The following SLC8A1 variants were observed in gnomAD, a reference collection of about 807,000 sequenced individuals.
SLC8A1 encodes the protein sodium/calcium exchanger 1.
A neutral mutation model predicts 68.3 loss-of-function variants in SLC8A1; 18 were observed. The observed-to-expected ratio is 0.26, with a 90% confidence interval of 0.18 to 0.39. The LOEUF (loss-of-function observed/expected upper bound fraction) is 0.39, where lower values mean the gene tolerates loss of function less well. Ranked by LOEUF, SLC8A1 falls within the 10% of genes least tolerant of loss-of-function variation. The pLI, the probability that SLC8A1 is intolerant of heterozygous loss-of-function variation, is 1.00. For synonymous variants in SLC8A1, 475 were observed against 415.5 expected (o/e 1.14, Z -1.74); for missense variants, 985 against 1,156.7 (o/e 0.85, Z 2.15).
intron 2 of SLC8A1, among the ~76,000 whole-genome samples, chr2:40,269,648 G>A (rs185390110): frequency 7.2e-5 from 11 of 152,126 alleles, no homozygotes; most frequent in Admixed American, 1.3e-4. Context: ...CCTTGGTCAC[G>A]TCTTGGAGGA....
At chr2:40,134,987 A>T (rs2040210529) in intron 7 of SLC8A1, among the ~76,000 whole-genome samples, 1 of 152,232 alleles carries the variant, frequency 6.6e-6, no homozygotes, top group South Asian at 2.1e-4. Flanking sequence ...CTCTTTAAAG[A>T]TATCATTTAA....
chr2:40,337,881 A>T (rs557602714), intron 2 of SLC8A1, among the ~76,000 whole-genome samples: 3 of 152,182 alleles, frequency 2.0e-5, no homozygotes, highest in Non-Finnish European at 2.9e-5. Flanking sequence ...ATTTAATAAT[A>T]CTAAATCATG....
At chr2:40,444,149 C>T (rs1051750307) in intron 1 of SLC8A1, among the ~76,000 whole-genome samples, 4 of 152,072 alleles carry the variant, frequency 2.6e-5, no homozygotes, top group Non-Finnish European at 4.4e-5. Flanking sequence ...GTCTGGGCAA[C>T]ATAGCAAGAC....
intron 2 of SLC8A1, among the ~76,000 whole-genome samples, chr2:40,216,128 G>T (rs574005357): frequency 6.6e-5 from 10 of 151,122 alleles, no homozygotes; most frequent in Admixed American, 4.6e-4. Flanking sequence ...TGCACCTGTT[G>T]ACCCATCCTC....
At chr2:40,276,414 G>T (rs1005913873) in intron 2 of SLC8A1, among the ~76,000 whole-genome samples, 1 of 152,184 alleles carries the variant, frequency 6.6e-6, no homozygotes, top group African/African-American at 2.4e-5. Flanking sequence ...CAACAAGCAA[G>T]CCCCAAAGGG....
intron 2 of SLC8A1, among the ~76,000 whole-genome samples, chr2:40,388,295 G>C (rs1332508964): frequency 6.6e-6 from 1 of 152,174 alleles, no homozygotes; most frequent in Non-Finnish European, 1.5e-5. Context: ...ATTAATGTGT[G>C]TGTGTCCCCG....
chr2:40,322,433 G>A (rs974191061), intron 2 of SLC8A1, among the ~76,000 whole-genome samples: 2 of 149,776 alleles, frequency 1.3e-5, no homozygotes, highest in African/African-American at 4.9e-5. Flanking sequence ...CATGGTAGGA[G>A]GATTGCTTGA....
At chr2:40,429,292 A>C in exon 2 of SLC8A1, 2 of 1,613,954 alleles carry the variant, frequency 1.2e-6, no homozygotes, top group Non-Finnish European at 1.7e-6. Context: ...AAGTTCCTTC[A>C]GAATCCTAGC....
At chr2:40,474,417 A>G (rs552870337) in intron 1 of SLC8A1, among the ~76,000 whole-genome samples, 1 of 152,328 alleles carries the variant, frequency 6.6e-6, no homozygotes, top group South Asian at 2.1e-4. Context: ...AAGAAACCTT[A>G]AATGGCCAGA....
chr2:40,108,432 G>A (rs544795138), exon 8 of SLC8A1: 47 of 152,104 alleles, frequency 3.1e-4, no homozygotes, highest in African/African-American at 1.1e-3. Context: ...AATATCTTAG[G>A]GCAATTTGTA....
At chr2:40,274,270 C>T (rs560781743) in intron 2 of SLC8A1, among the ~76,000 whole-genome samples, 1 of 150,112 alleles carries the variant, frequency 6.7e-6, no homozygotes, top group East Asian at 2.0e-4. Context: ...TTTGTAGCCC[C>T]ACATAAATGT....
chr2:40,321,324 G>A (rs541012081), intron 2 of SLC8A1, among the ~76,000 whole-genome samples: 2 of 152,044 alleles, frequency 1.3e-5, no homozygotes, highest in South Asian at 2.1e-4. Context: ...TTTATAACCA[G>A]TATAACCATG....
intron 2 of SLC8A1, among the ~76,000 whole-genome samples, chr2:40,281,690 A>G (rs2067549828): frequency 6.6e-6 from 1 of 152,200 alleles, no homozygotes; most frequent in Non-Finnish European, 1.5e-5. Flanking sequence ...GGAGCTGGGA[A>G]TGTCTGGAAA....
chr2:40,371,142 C>T (rs1287892845), intron 2 of SLC8A1, among the ~76,000 whole-genome samples: 2 of 151,904 alleles, frequency 1.3e-5, no homozygotes, highest in African/African-American at 4.8e-5. Flanking sequence ...ATTGGTGGTC[C>T]CTGGCCCAGC....
chr2:40,348,206 A>G (rs965263372), intron 2 of SLC8A1, among the ~76,000 whole-genome samples: 1 of 152,166 alleles, frequency 6.6e-6, no homozygotes, highest in African/African-American at 2.4e-5. Flanking sequence ...TCTGAGTTCA[A>G]ACTGCAGTTC....
chr2:40,244,264 TGAA>T (rs1338619272), intron 2 of SLC8A1, among the ~76,000 whole-genome samples: 1 of 152,106 alleles, frequency 6.6e-6, no homozygotes, highest in Non-Finnish European at 1.5e-5. Context: ...TCAGTGCACA[TGAA>T]GAGACCCACA....
intron 2 of SLC8A1, among the ~76,000 whole-genome samples, chr2:40,411,554 T>C (rs988018853): frequency 6.6e-6 from 1 of 152,046 alleles, no homozygotes; most frequent in African/African-American, 2.4e-5. Context: ...AAATGTTTAC[T>C]ATGATATTAT....
intron 2 of SLC8A1, among the ~76,000 whole-genome samples, chr2:40,377,315 C>A (rs1163957543): frequency 4.6e-5 from 7 of 151,978 alleles, no homozygotes; most frequent in Non-Finnish European, 1.0e-4. Context: ...GAAGAGGACC[C>A]CAAGCATCAC....
intron 2 of SLC8A1, among the ~76,000 whole-genome samples, chr2:40,373,579 C>G (rs920759162): frequency 1.3e-5 from 2 of 151,922 alleles, no homozygotes; most frequent in African/African-American, 4.8e-5. Flanking sequence ...CTTACATAAC[C>G]CTATTTAGCC....
Sources: gnomAD v4.1 joint callset for allele counts (sites outside exome capture counted in the v4.1 genomes callset) on GRCh38, gnomAD v4.1.1 for gene constraint, MANE v1.5 for transcripts, NCBI Gene and HGNC (gene_info 2026-07-23, HGNC 2026-07-21) for gene names.